Variants in PCDHA3 observed in about 807,000 individuals in gnomAD.
PCDHA3 encodes protocadherin alpha 3.
A neutral mutation model predicts 62.2 loss-of-function variants in PCDHA3; 41 were observed. The observed-to-expected ratio is 0.66, with a 90% CI of 0.51 to 0.86. The LOEUF (loss-of-function observed/expected upper bound fraction) is 0.86, where lower values mean the gene tolerates loss of function less well. Among genes scored for constraint, PCDHA3 ranks in the 40% least tolerant of loss-of-function variants. The probability of loss-of-function intolerance (pLI) is 0.00; values close to 1 mark genes in which losing one functional copy is unlikely to be tolerated. For synonymous variants in PCDHA3, 640 were observed against 555.4 expected, an observed-to-expected ratio of 1.15 and a Z score of -2.14; for missense variants, 1,304 against 1,241.2, an observed-to-expected ratio of 1.05 and a Z score of -0.76.
At chr5:140,924,895 AAAAAAAAAAATAAAATAAAATAAAAT>A (rs1157767234) in intron 1 of PCDHA3, among the ~76,000 whole-genome samples, 8 of 132,230 alleles carry the variant, frequency 6.1e-5, no homozygotes, top group East Asian at 2.1e-4. Flanking sequence ...AACCTGTCTC[AAAAAAAAAAATAAAATAAAATAAAAT>A]AAAATAAAAT....
intron 1 of PCDHA3, chr5:140,967,750 C>G (rs782284231): frequency 6.2e-7 from 1 of 1,614,190 alleles, no homozygotes; most frequent in South Asian, 1.1e-5. Flanking sequence ...ATGAGGAAGC[C>G]TCCTCCTACC....
At position 140,838,838 on chromosome 5, in the gene PCDHA3, C is replaced by T. The variant is rs1484620027; in HGVS notation, c.2394+35247C>T. Among the ~76,000 whole-genome samples the T allele has an allele frequency of 2.0e-5, 3 of 151,902 alleles. No homozygotes were observed. In the East Asian group the frequency reaches 5.8e-4, roughly 29 times the overall value. On this transcript the variant is annotated intron_variant, in intron 1 of 3. Coordinates refer to ENST00000522353, the MANE Select transcript of PCDHA3 (RefSeq NM_018906.3). ...TCAAGAAACTGAGGTGGGAGGATCACTTAAGCCAGGGAGGTCCAAGCTGCA... is the reference window on the plus strand; with the variant it reads ...TCAAGAAACTGAGGTGGGAGGATCATTTAAGCCAGGGAGGTCCAAGCTGCA...
chr5:140,840,808 C>T (rs1554137908), intron 1 of PCDHA3, among the ~76,000 whole-genome samples: 1 of 151,970 alleles, frequency 6.6e-6, no homozygotes, highest in East Asian at 1.9e-4. Context: ...GTAATATATA[C>T]CAGTGTTTCT....
At chr5:140,831,638 T>C (rs2150196472) in intron 1 of PCDHA3, among the ~76,000 whole-genome samples, 19 of 151,546 alleles carry the variant, frequency 1.3e-4, no homozygotes, top group African/African-American at 4.6e-4. Flanking sequence ...ACTAAGATTA[T>C]AGGTGTGAGC....
intron 3 of PCDHA3, among the ~76,000 whole-genome samples, chr5:140,993,295 C>G (rs553867145): frequency 3.3e-5 from 5 of 152,090 alleles, no homozygotes; most frequent in African/African-American, 9.7e-5. Flanking sequence ...GGGTCACAAC[C>G]TTGCCTCCAG....
intron 1 of PCDHA3, among the ~76,000 whole-genome samples, chr5:140,838,075 ATAGT>A (rs1236223360): frequency 0.032 from 4,047 of 127,880 alleles, 62 homozygotes; most frequent in African/African-American, 0.052. Context: ...TTATATATAT[ATAGT>A]GTGTGTGTGT....
chr5:140,841,580 A>T (rs1777346702), intron 1 of PCDHA3: 1 of 1,613,870 alleles, frequency 6.2e-7, no homozygotes, highest in South Asian at 1.1e-5. Context: ...TTTGTTTGTG[A>T]ATTCTCGGAT....
rs994477615 is a variant in PCDHA3 at position 140,861,542 on chromosome 5, C to T, written c.2394+57951C>T. On this transcript the variant is annotated intron_variant, in intron 1 of 3. Coordinates refer to ENST00000522353, the MANE Select transcript of PCDHA3 (RefSeq NM_018906.3). ...GGAGGATCTCGGAGTGCAGCATCCA[C>T]CTGGAAGTGATCGTGGACAAGCTGC... is the stretch of plus-strand genomic sequence containing the variant. The T allele has an allele frequency of 4.0e-5, 17 of 424,962 alleles. No homozygotes were observed. In the East Asian group the frequency reaches 1.2e-3, roughly 30 times the overall value. The allele number at this position is 424,962 out of a possible 1,614,324, so 26.3% of individuals were successfully genotyped here.
chr5:140,828,962 G>A, intron 1 of PCDHA3: 1 of 1,614,220 alleles, frequency 6.2e-7, no homozygotes, highest in Non-Finnish European at 8.5e-7. Context: ...CATGGTTATT[G>A]ACCACTTTAG....
chr5:140,825,576 C>G lies in PCDHA3; in HGVS notation c.2394+21985C>G, dbSNP rs1028735086. 7.2e-5 allele frequency: 11 copies of G among 151,850 alleles called. No individual in the cohort carries two copies. In the East Asian group the frequency reaches 2.1e-3, roughly 29 times the overall value. 9.4% of individuals were successfully genotyped at this position (151,850 alleles called of 1,614,324 possible). A position where few individuals can be genotyped will look rare whatever the true frequency, so the allele number is the denominator to read the frequency against. On this transcript the variant is annotated intron_variant, in intron 1 of 3. Transcript: ENST00000522353. Reference sequence around the variant, plus strand: ...AGTAGCTGGGATTACAGGCATGTGCCCACACCTGGCTAATTTTTTGTATTT... The same window carrying G: ...AGTAGCTGGGATTACAGGCATGTGCGCACACCTGGCTAATTTTTTGTATTT...
intron 1 of PCDHA3, chr5:140,843,553 G>T: frequency 6.3e-7 from 1 of 1,595,928 alleles, no homozygotes; most frequent in African/African-American, 1.3e-5. Context: ...GCTCCAGTGC[G>T]GTGGGGAGCT....
At chr5:140,831,682 G>T (rs2150196752) in intron 1 of PCDHA3, among the ~76,000 whole-genome samples, 1 of 152,150 alleles carries the variant, frequency 6.6e-6, no homozygotes, top group African/African-American at 2.4e-5. Flanking sequence ...TTCTTTGAAT[G>T]AAAAGCAGCA....
At chr5:140,869,084 G>A (rs2050835199) in intron 1 of PCDHA3, 1 of 1,583,106 alleles carries the variant, frequency 6.3e-7, no homozygotes, top group African/African-American at 1.4e-5. Context: ...AGCTTATTTT[G>A]GAAGCCAATT....
At chr5:140,902,043 G>A (rs1294111308) in intron 1 of PCDHA3, among the ~76,000 whole-genome samples, 2 of 151,980 alleles carry the variant, frequency 1.3e-5, no homozygotes, top group Non-Finnish European at 2.9e-5. Flanking sequence ...TTTGTATGTT[G>A]ATTTTGTATC....
intron 1 of PCDHA3, among the ~76,000 whole-genome samples, chr5:140,889,476 C>G (rs2062241146): frequency 6.6e-6 from 1 of 152,054 alleles, no homozygotes; most frequent in South Asian, 2.1e-4. Flanking sequence ...TATGCTCATA[C>G]TTTCTACAGA....
intron 1 of PCDHA3, among the ~76,000 whole-genome samples, chr5:140,977,149 G>A (rs1484811068): frequency 6.6e-6 from 1 of 152,198 alleles, no homozygotes; most frequent in Non-Finnish European, 1.5e-5. Flanking sequence ...TGCTGGAACT[G>A]TGCCTTTCAG....
At chr5:140,967,780 T>C in intron 1 of PCDHA3, 1 of 1,614,214 alleles carries the variant, frequency 6.2e-7, no homozygotes, top group Non-Finnish European at 8.5e-7. Context: ...TGCAGGCGAC[T>C]GACCGGGGTC....
chr5:140,915,832 A>T (rs1297251550), intron 1 of PCDHA3, among the ~76,000 whole-genome samples: 1 of 152,084 alleles, frequency 6.6e-6, no homozygotes, highest in Non-Finnish European at 1.5e-5. Context: ...GGGCTCTAAG[A>T]TCAGCAGGGG....
intron 1 of PCDHA3, among the ~76,000 whole-genome samples, chr5:140,826,827 T>C (rs2150145425): frequency 1.3e-5 from 2 of 152,168 alleles, no homozygotes; most frequent in Non-Finnish European, 2.9e-5. Flanking sequence ...ATTAGGTTAC[T>C]AGAAGTTTCT....
Sources: gnomAD v4.1 joint callset for allele counts (sites outside exome capture counted in the v4.1 genomes callset) on GRCh38, gnomAD v4.1.1 for gene constraint, MANE v1.5 for transcripts, NCBI Gene and HGNC (gene_info 2026-07-23, HGNC 2026-07-21) for gene names.